Variants in SH3RF3 observed in about 807,000 individuals in gnomAD.
SH3RF3 encodes SH3 domain containing ring finger 3.
A neutral mutation model predicts 66.3 loss-of-function variants in SH3RF3; 29 were observed. The observed-to-expected ratio is 0.44, with a 90% CI of 0.33 to 0.60. The LOEUF (loss-of-function observed/expected upper bound fraction) is 0.60, where lower values mean the gene tolerates loss of function less well. Ranked by LOEUF, SH3RF3 falls within the 20% of genes least tolerant of loss-of-function variation. The pLI is 0.04. For missense variants in SH3RF3, 1,194 were observed against 1,190.9 expected (o/e 1.00, Z -0.04); for synonymous variants, 583 against 532.0 (o/e 1.10, Z -1.32).
chr2:109,352,476 CA>C (rs1434759048), intron 2 of SH3RF3, among the ~76,000 whole-genome samples: 1 of 152,226 alleles, frequency 6.6e-6, no homozygotes, highest in African/African-American at 2.4e-5. Flanking sequence ...GGCAAGCTTC[CA>C]AATTTGCAGT....
In SH3RF3 at chr2:109,376,425, G is replaced by C. The variant is rs1296445010; in HGVS notation, c.945+4744G>C. 2.0e-5 allele frequency among the ~76,000 whole-genome samples: 3 copies of C among 152,208 alleles called. No homozygotes were observed. In the East Asian group the frequency reaches 5.8e-4, roughly 29 times the overall value. ...GGCTGCCTCTGGCTGCTCACACAGA[G>C]CCTGGGTGGGTGGCTTGCATGGAGA... is the stretch of plus-strand genomic sequence containing the variant. On this transcript the variant is annotated intron_variant, in intron 3 of 9. Coordinates refer to ENST00000309415, the MANE Select transcript of SH3RF3 (RefSeq NM_001099289.3).
chr2:109,447,798 A>C (rs1677751863), intron 7 of SH3RF3, among the ~76,000 whole-genome samples: 1 of 152,230 alleles, frequency 6.6e-6, no homozygotes, highest in Admixed American at 6.5e-5. Context: ...GTATCTTTTC[A>C]TATGGGAGAT....
chr2:109,204,367 T>G lies in SH3RF3; in HGVS notation c.573+74254T>G, dbSNP rs570677888. On this transcript the variant is annotated intron_variant, in intron 1 of 9. Coordinates refer to ENST00000309415, the MANE Select transcript of SH3RF3 (RefSeq NM_001099289.3). ...GAGAGTTAGCAGGAATCTCCTTATC[T>G]TATCTTTTAAATCATTATCAATACC... 1.7e-4 allele frequency among the ~76,000 whole-genome samples: 26 copies of G among 152,330 alleles called. No homozygotes were observed. In the East Asian group the frequency reaches 4.8e-3, roughly 28 times the overall value.
At chr2:109,295,796 C>T (rs147646182) in intron 1 of SH3RF3, among the ~76,000 whole-genome samples, 7 of 152,200 alleles carry the variant, frequency 4.6e-5, no homozygotes, top group African/African-American at 1.4e-4. Flanking sequence ...GGACTCTGGC[C>T]GGCTTTACGG....
chr2:109,315,563 G>A (rs1681858744), intron 1 of SH3RF3, among the ~76,000 whole-genome samples: 1 of 152,352 alleles, frequency 6.6e-6, no homozygotes, highest in African/African-American at 2.4e-5. Flanking sequence ...GACCATGTGT[G>A]CCTGTTGTGC....
intron 7 of SH3RF3, among the ~76,000 whole-genome samples, chr2:109,446,171 C>T (rs1677698931): frequency 6.6e-6 from 1 of 152,184 alleles, no homozygotes; most frequent in Non-Finnish European, 1.5e-5. Context: ...CACTCTTCAC[C>T]AGCCAGTGTC....
At chr2:109,478,713 G>C (rs1170459158) in intron 8 of SH3RF3, among the ~76,000 whole-genome samples, 1 of 152,170 alleles carries the variant, frequency 6.6e-6, no homozygotes, top group Non-Finnish European at 1.5e-5. Context: ...GGGAGAGTCT[G>C]AGCTCGTAGG....
intron 7 of SH3RF3, among the ~76,000 whole-genome samples, chr2:109,443,423 G>A (rs766245899): frequency 7.9e-5 from 12 of 152,140 alleles, no homozygotes; most frequent in Admixed American, 3.9e-4. Context: ...GGGAATATGA[G>A]TGTCAGGCAA....
At chr2:109,471,206 C>CAAAAAAAAAAAA (rs61224177) in intron 8 of SH3RF3, among the ~76,000 whole-genome samples, 1 of 40,142 alleles carries the variant, frequency 2.5e-5, no homozygotes, top group Non-Finnish European at 6.5e-5. Flanking sequence ...GACTCTGTCT[C>CAAAAAAAAAAAA]AAAAAAAAAA....
intron 1 of SH3RF3, among the ~76,000 whole-genome samples, chr2:109,223,401 C>G (rs539534928): frequency 9.2e-5 from 14 of 152,276 alleles, no homozygotes; most frequent in Admixed American, 7.8e-4. Context: ...GCCGTGTGCT[C>G]GCTGTGATGG....
chr2:109,206,335 C>G (rs1455778596), intron 1 of SH3RF3, among the ~76,000 whole-genome samples: 1 of 151,336 alleles, frequency 6.6e-6, no homozygotes, highest in Non-Finnish European at 1.5e-5. Flanking sequence ...CTAAAAAATA[C>G]CAAAAATTTG....
At chr2:109,210,388 T>C (rs559099743) in intron 1 of SH3RF3, among the ~76,000 whole-genome samples, 1 of 152,336 alleles carries the variant, frequency 6.6e-6, no homozygotes, top group African/African-American at 2.4e-5. Flanking sequence ...GCCTGGTCTT[T>C]TCCGTGCTCC....
chr2:109,446,112 G>A (rs977487319), intron 7 of SH3RF3, among the ~76,000 whole-genome samples: 7 of 152,204 alleles, frequency 4.6e-5, no homozygotes, highest in African/African-American at 1.7e-4. Context: ...TCGGGGTTGG[G>A]GCACCCGGGG....
intron 1 of SH3RF3, among the ~76,000 whole-genome samples, chr2:109,260,693 G>A (rs1488082184): frequency 1.3e-5 from 2 of 152,286 alleles, no homozygotes; most frequent in South Asian, 4.1e-4. Context: ...CCTGCAGAGG[G>A]TGAAGAGAAG....
intron 1 of SH3RF3, among the ~76,000 whole-genome samples, chr2:109,280,635 C>T (rs900177459): frequency 1.6e-4 from 24 of 152,236 alleles, no homozygotes; most frequent in Admixed American, 2.0e-4. Flanking sequence ...AATAGATCTG[C>T]TCATCAAAAG....
At chr2:109,389,849 C>T (rs1195796580) in intron 3 of SH3RF3, among the ~76,000 whole-genome samples, 1 of 148,950 alleles carries the variant, frequency 6.7e-6, no homozygotes, top group East Asian at 1.9e-4. Context: ...GAGAACAGGT[C>T]AGAGCCCACC....
intron 1 of SH3RF3, among the ~76,000 whole-genome samples, chr2:109,205,932 A>G (rs1328528051): frequency 6.6e-6 from 1 of 152,072 alleles, no homozygotes; most frequent in Non-Finnish European, 1.5e-5. Flanking sequence ...AAAAAAGTAG[A>G]TGTGTGTTTT....
At chr2:109,434,998 T>C (rs1217253734) in intron 6 of SH3RF3, among the ~76,000 whole-genome samples, 1 of 152,144 alleles carries the variant, frequency 6.6e-6, no homozygotes, top group African/African-American at 2.4e-5. Context: ...TCCCTCTACC[T>C]CTGCTGTGCA....
At chr2:109,306,030 G>C (rs188899102) in intron 1 of SH3RF3, among the ~76,000 whole-genome samples, 7 of 152,200 alleles carry the variant, frequency 4.6e-5, no homozygotes, top group Non-Finnish European at 1.0e-4. Flanking sequence ...GGAGTGATTC[G>C]CTGCCTTCTG....
Sources: allele counts gnomAD v4.1 joint callset (sites outside exome capture counted in the v4.1 genomes callset), GRCh38; gene constraint gnomAD v4.1.1; transcripts MANE v1.5; gene names NCBI Gene and HGNC (gene_info 2026-07-23, HGNC 2026-07-21).